MAP3K3: variants seen among roughly 807,000 people sequenced by gnomAD.
MAP3K3 encodes the protein mitogen-activated protein kinase kinase kinase 3, also known as MAP/ERK kinase kinase 3.
In MAP3K3, 12 loss-of-function variants were observed where a neutral mutation model predicts 80.9. The ratio of observed to expected loss-of-function variants is 0.15; its 90% CI spans 0.10 to 0.24. The LOEUF (loss-of-function observed/expected upper bound fraction) is 0.24, where lower values mean the gene tolerates loss of function less well. Ranked by LOEUF, MAP3K3 falls within the 10% of genes least tolerant of loss-of-function variation. MAP3K3 has a pLI of 1.00. For synonymous variants in MAP3K3, 272 were observed against 307.1 expected (o/e 0.89, Z 1.19); for missense variants, 596 against 834.7 (o/e 0.71, Z 3.52).
chr17:63,690,486 T>G, intron 12 of MAP3K3, 74 bp downstream of exon 12: 1 of 1,494,414 alleles, frequency 6.7e-7, no homozygotes, highest in Non-Finnish European at 9.2e-7. Flanking sequence ...ACAGAGTAGT[T>G]GCCTGAGATG....
rs548274436 is a variant in MAP3K3 at position 63,652,671 on chromosome 17, G to C, written c.267+15G>C. 3.9e-6 allele frequency: 6 copies of C among 1,556,058 alleles called. No homozygotes were observed. The East Asian group carries it at 1.3e-4, about 35-fold the overall frequency. ...TGAACAATGAGGTGAGAAGGCAGAT[G>C]GATGGGGCAGGGACAAGAGGGGCAG... On this transcript the variant is annotated intron_variant, in intron 4 of 15. Transcript: ENST00000361733.
At chr17:63,669,294 A>G (rs147947634) in intron 6 of MAP3K3, among the ~76,000 whole-genome samples, 4 of 151,770 alleles carry the variant, frequency 2.6e-5, no homozygotes, top group African/African-American at 9.7e-5. Flanking sequence ...AGAGCTCGCT[A>G]TTCTTCAGGT....
intron 3 of MAP3K3, among the ~76,000 whole-genome samples, chr17:63,650,746 T>G (rs1211632289): frequency 2.0e-5 from 3 of 147,820 alleles, no homozygotes; most frequent in Non-Finnish European, 4.5e-5. Context: ...GGCTGGAGTA[T>G]AGTGGCATGA....
At position 63,622,513 on chromosome 17, in the gene MAP3K3, A is replaced by G. The variant is rs1469672864; in HGVS notation, c.-247A>G. ...GCGGGCGGGCCGAGCGGCGCCGCCG[A>G]GGCCGGGCTGGGCCGAGCCCAGGAG... On this transcript the variant is annotated 5_prime_UTR_variant, in exon 1 of 16. Transcript: ENST00000361733. The G allele has an allele frequency of 3.9e-5, 6 of 152,028 alleles. No individual in the cohort carries two copies. Among genetic ancestry groups the G allele is most frequent in the Admixed American group, 2.0e-4 (3 of 15,194 alleles). The allele number at this position is 152,028 out of a possible 1,614,324, so 9.4% of individuals were successfully genotyped here.
rs2035576398 is a variant in MAP3K3 at position 63,691,042 on chromosome 17, A to G, written c.1213-60A>G. ...CCACTAACTAGGGCAAGCTGAGCTG[A>G]ACCCAGGCGGGCAGAACTAGGGCCC... On this transcript the variant is annotated intron_variant, in intron 12 of 15. Coordinates refer to ENST00000361733, the MANE Select transcript of MAP3K3 (RefSeq NM_002401.5). The surrounding 1 kb of genome is among the most constrained non-coding windows in gnomAD (Gnocchi z 4.8). 6.2e-7 allele frequency: 1 copy of G among 1,606,828 alleles called. No individual in the cohort carries two copies. The highest frequency in any genetic ancestry group is 8.5e-7 in the Non-Finnish European group (1 of 1,176,364).
chr17:63,632,299 C>G (rs1196141465), intron 1 of MAP3K3, among the ~76,000 whole-genome samples: 1 of 151,974 alleles, frequency 6.6e-6, no homozygotes, highest in African/African-American at 2.4e-5. Flanking sequence ...GGAGACCAGC[C>G]TGGGCAACAT....
intron 8 of MAP3K3, among the ~76,000 whole-genome samples, chr17:63,687,862 C>T (rs1053973262): frequency 2.5e-4 from 38 of 151,750 alleles, no homozygotes; most frequent in African/African-American, 8.5e-4. Context: ...CGCTTGAACC[C>T]GCGAGGTAGA....
At chr17:63,658,859 C>T (rs926030462) in intron 5 of MAP3K3, among the ~76,000 whole-genome samples, 5 of 151,748 alleles carry the variant, frequency 3.3e-5, no homozygotes, top group Admixed American at 6.6e-5. Context: ...TTCAGCCTCT[C>T]GAGTAGCTGG....
intron 12 of MAP3K3, chr17:63,690,846 A>C (rs1205374252): frequency 1.9e-6 from 1 of 529,954 alleles, no homozygotes; most frequent in African/African-American, 1.9e-5. Context: ...GTGGACAAAC[A>C]GCAGTTACCT....
At chr17:63,641,568 A>G (rs2034444435) in intron 2 of MAP3K3, among the ~76,000 whole-genome samples, 1 of 152,122 alleles carries the variant, frequency 6.6e-6, no homozygotes, top group East Asian at 1.9e-4. Context: ...AAAAACTGCA[A>G]TTACTTTTGC....
chr17:63,639,714 G>GT (rs1318807929), intron 2 of MAP3K3, among the ~76,000 whole-genome samples: 1 of 151,730 alleles, frequency 6.6e-6, no homozygotes, highest in Admixed American at 6.6e-5. Context: ...GCCAAAGAGA[G>GT]TAAGTGAATG....
chr17:63,677,071 C>T (rs2035233976), intron 6 of MAP3K3, among the ~76,000 whole-genome samples: 1 of 152,176 alleles, frequency 6.6e-6, no homozygotes, highest in Non-Finnish European at 1.5e-5. Context: ...TACGGAGTTC[C>T]TACTGTGAGA....
chr17:63,680,883 G>A (rs1035696449), intron 6 of MAP3K3, among the ~76,000 whole-genome samples: 4 of 151,448 alleles, frequency 2.6e-5, no homozygotes, highest in Non-Finnish European at 5.9e-5. Context: ...TACCTCTCAG[G>A]ATTGTTGAAA....
chr17:63,624,476 G>A (rs1199636284), intron 1 of MAP3K3, among the ~76,000 whole-genome samples: 1 of 152,164 alleles, frequency 6.6e-6, no homozygotes, highest in Non-Finnish European at 1.5e-5. Context: ...AAATAGATAT[G>A]AACCTGTTTT....
intron 1 of MAP3K3, among the ~76,000 whole-genome samples, chr17:63,628,364 T>G (rs2034146392): frequency 6.7e-6 from 1 of 148,272 alleles, no homozygotes; most frequent in South Asian, 2.1e-4. Flanking sequence ...AATTCTGTCT[T>G]TTTTTTTTTT....
intron 6 of MAP3K3, chr17:63,668,053 T>A (rs1179350122): frequency 6.6e-6 from 1 of 151,404 alleles, no homozygotes; most frequent in East Asian, 1.9e-4. Context: ...AAGGGAAATC[T>A]GGTCTTATCA....
intron 11 of MAP3K3, chr17:63,690,045 C>G (rs2035551338): frequency 1.7e-6 from 1 of 603,400 alleles, no homozygotes; most frequent in Non-Finnish European, 2.9e-6. Context: ...GAGCATTTAA[C>G]CATGACTTCA....
chr17:63,676,891 G>A (rs1412683125), intron 6 of MAP3K3, among the ~76,000 whole-genome samples: 2 of 152,232 alleles, frequency 1.3e-5, no homozygotes, highest in African/African-American at 2.4e-5. Context: ...CAGGAAGCCT[G>A]TTAATCTCAT....
chr17:63,633,831 T>G (rs2034265753), intron 2 of MAP3K3, among the ~76,000 whole-genome samples: 1 of 152,196 alleles, frequency 6.6e-6, no homozygotes, highest in Non-Finnish European at 1.5e-5. Context: ...ATTCTCCCTT[T>G]TGGTTCTGTT....
Sources: gnomAD v4.1 joint callset for allele counts (sites outside exome capture counted in the v4.1 genomes callset) on GRCh38, gnomAD v4.1.1 for gene constraint, Gnocchi (gnomAD v3.1) non-coding constraint, MANE v1.5 for transcripts, NCBI Gene and HGNC (gene_info 2026-07-23, HGNC 2026-07-21) for gene names.